DENND1A: variants seen among roughly 807,000 people sequenced by gnomAD.
DENND1A encodes DENN domain-containing protein 1A.
DENND1A carries 51 observed loss-of-function variants against 113.7 expected under a neutral mutation model. That is an observed-to-expected ratio of 0.45 (90% CI 0.36 to 0.57). The LOEUF (loss-of-function observed/expected upper bound fraction) is 0.57. DENND1A is among the 20% of genes least tolerant of loss of function. The pLI is 0.00. For missense variants in DENND1A, 1,258 were observed against 1,395.9 expected (o/e 0.90, Z 1.57); for synonymous variants, 565 against 570.8 (o/e 0.99, Z 0.14).
At chr9:123,527,852 C>T (rs1232767654) in intron 13 of DENND1A, among the ~76,000 whole-genome samples, 1 of 152,208 alleles carries the variant, frequency 6.6e-6, no homozygotes, top group Non-Finnish European at 1.5e-5. Context: ...GAATCAGCTT[C>T]TAACCTTGAT....
intron 13 of DENND1A, among the ~76,000 whole-genome samples, chr9:123,472,902 T>A (rs1167907085): frequency 6.6e-6 from 1 of 152,178 alleles, no homozygotes. Flanking sequence ...GGAGTCCCCC[T>A]TGCCCTTCAC....
At chr9:123,554,914 A>C (rs935070278) in intron 13 of DENND1A, among the ~76,000 whole-genome samples, 1 of 152,260 alleles carries the variant, frequency 6.6e-6, no homozygotes, top group African/African-American at 2.4e-5. Flanking sequence ...ATAGAATATT[A>C]CATAGCCATT....
At chr9:123,849,319 G>A (rs956996421) in intron 2 of DENND1A, among the ~76,000 whole-genome samples, 6 of 152,120 alleles carry the variant, frequency 3.9e-5, no homozygotes, top group Admixed American at 6.5e-5. Flanking sequence ...ATAATATTAC[G>A]CTAAATCTAC....
At chr9:123,413,669 A>T in intron 19 of DENND1A, 1 of 985,458 alleles carries the variant, frequency 1.0e-6, no homozygotes, top group Non-Finnish European at 1.2e-6. Flanking sequence ...GGCTTCCCAG[A>T]TCCTATGCCA....
intron 5 of DENND1A, among the ~76,000 whole-genome samples, chr9:123,696,749 A>G (rs963954257): frequency 4.0e-5 from 6 of 151,232 alleles, no homozygotes; most frequent in African/African-American, 1.5e-4. Flanking sequence ...TGCGATGAGA[A>G]TTTCTTTTGA....
intron 1 of DENND1A, among the ~76,000 whole-genome samples, chr9:123,903,660 G>A (rs945567109): frequency 7.9e-5 from 12 of 152,160 alleles, no homozygotes; most frequent in East Asian, 5.8e-4. Flanking sequence ...TGCGCTTTTC[G>A]GACCGGCTTA....
intron 1 of DENND1A, among the ~76,000 whole-genome samples, chr9:123,892,281 G>C (rs1454590958): frequency 6.6e-6 from 1 of 152,162 alleles, no homozygotes; most frequent in Admixed American, 6.5e-5. Context: ...ATTGGATAGA[G>C]TACACAATAG....
At chr9:123,534,317 T>G (rs2055559003) in intron 13 of DENND1A, among the ~76,000 whole-genome samples, 1 of 152,322 alleles carries the variant, frequency 6.6e-6, no homozygotes, top group East Asian at 1.9e-4. Context: ...TTGCTTACTG[T>G]TGGGCCTTAA....
At chr9:123,627,757 A>G (rs866991715) in intron 10 of DENND1A, among the ~76,000 whole-genome samples, 54 of 144,454 alleles carry the variant, frequency 3.7e-4, no homozygotes, top group East Asian at 2.0e-3. Flanking sequence ...AAAAAAAAAA[A>G]AGAGAGAGAG....
chr9:123,394,793 C>T (rs2043032357), intron 21 of DENND1A, among the ~76,000 whole-genome samples: 1 of 152,220 alleles, frequency 6.6e-6, no homozygotes, highest in South Asian at 2.1e-4. Context: ...GCACTTTCCT[C>T]TGCAGGGAAG....
At chr9:123,688,599 C>T (rs539948434) in intron 5 of DENND1A, among the ~76,000 whole-genome samples, 4 of 152,094 alleles carry the variant, frequency 2.6e-5, no homozygotes, top group African/African-American at 7.2e-5. Flanking sequence ...AGGTATGATG[C>T]GCATTCCTTC....
At chr9:123,623,407 A>G (rs886319947) in intron 10 of DENND1A, among the ~76,000 whole-genome samples, 2 of 152,220 alleles carry the variant, frequency 1.3e-5, no homozygotes, top group Non-Finnish European at 2.9e-5. Context: ...CATTTTACAG[A>G]AAGATATTGC....
At chr9:123,528,284 A>G (rs1160705440) in intron 13 of DENND1A, among the ~76,000 whole-genome samples, 2 of 152,214 alleles carry the variant, frequency 1.3e-5, no homozygotes, top group Non-Finnish European at 2.9e-5. Context: ...CTACTGAGAA[A>G]GTGAAGCCAT....
intron 19 of DENND1A, among the ~76,000 whole-genome samples, chr9:123,423,673 G>A (rs1351688414): frequency 6.6e-6 from 1 of 152,184 alleles, no homozygotes; most frequent in Admixed American, 6.5e-5. Context: ...ACACGCTCAT[G>A]TATGGGATAT....
At chr9:123,401,668 AAACC>A in intron 21 of DENND1A, 2 of 1,484,408 alleles carry the variant, frequency 1.3e-6, no homozygotes, top group Non-Finnish European at 9.0e-7. Flanking sequence ...AACAAACAAC[AAACC>A]AACCAACCAA....
At chr9:123,522,792 T>C (rs1564645655) in intron 13 of DENND1A, among the ~76,000 whole-genome samples, 1 of 152,162 alleles carries the variant, frequency 6.6e-6, no homozygotes, top group Admixed American at 6.5e-5. Flanking sequence ...GAGCATACTA[T>C]ATCTGCATTG....
At chr9:123,414,813 G>A (rs867067663) in intron 19 of DENND1A, among the ~76,000 whole-genome samples, 1 of 152,192 alleles carries the variant, frequency 6.6e-6, no homozygotes, top group Middle Eastern at 3.4e-3. Context: ...TCTCATCTCT[G>A]GTAAAACCCC....
At chr9:123,474,605 T>C (rs1251761133) in intron 13 of DENND1A, among the ~76,000 whole-genome samples, 3 of 152,176 alleles carry the variant, frequency 2.0e-5, no homozygotes, top group African/African-American at 7.2e-5. Flanking sequence ...GGTGGGAAAC[T>C]GTCTGGTGTT....
rs5900572 is a variant in DENND1A, at chr9:123,391,761, G to GAAAAAAAAAAAA, written c.1632-3915_1632-3904dup. Among the ~76,000 whole-genome samples, 23 of 110,362 alleles carry GAAAAAAAAAAAA rather than the reference G, an allele frequency of 2.1e-4. 7 individuals are homozygous for GAAAAAAAAAAAA. Among genetic ancestry groups the GAAAAAAAAAAAA allele is most frequent in the African/African-American group, 1.1e-4 (3 of 27,986 alleles). 72.4% of individuals were successfully genotyped at this position (110,362 alleles called of 152,430 possible). ...TTTTTATTAGCTTAAGGCAGAATAT[G>GAAAAAAAAAAAA]AAAAAAAAAAAAAAAAAAAGCACCT... On this transcript the variant is annotated intron_variant, in intron 21 of 23. Transcript: ENST00000394215.
Sources: gnomAD v4.1 joint callset for allele counts (sites outside exome capture counted in the v4.1 genomes callset) on GRCh38, gnomAD v4.1.1 for gene constraint, MANE v1.5 for transcripts, NCBI Gene and HGNC (gene_info 2026-07-23, HGNC 2026-07-21) for gene names.